The following CCDC138 variants were observed in gnomAD, a reference collection of about 807,000 sequenced individuals.
CCDC138 encodes the protein coiled-coil domain-containing protein 138.
In CCDC138, 66 loss-of-function variants were observed where a neutral mutation model predicts 82.3. The ratio of observed to expected loss-of-function variants is 0.80; its 90% CI spans 0.66 to 0.98. The LOEUF (loss-of-function observed/expected upper bound fraction) is 0.98. Among genes scored for constraint, CCDC138 ranks in the 50% least tolerant of loss-of-function variants. The pLI is 0.00. For missense variants in CCDC138, 816 were observed against 758.9 expected, an observed-to-expected ratio of 1.08 and a Z score of -0.88; for synonymous variants, 297 against 265.4, an observed-to-expected ratio of 1.12 and a Z score of -1.16.
chr2:108,876,268 TAA>T lies in CCDC138; in HGVS notation c.*16_*17del. 6.7e-7 allele frequency: 1 copy of T among 1,486,242 alleles called. No homozygotes were observed. Among genetic ancestry groups the T allele is most frequent in the Non-Finnish European group, 9.2e-7 (1 of 1,083,368 alleles). 92.1% of individuals were successfully genotyped at this position (1,486,242 alleles called of 1,614,324 possible). ...CAAGCCCTTAGACTGGCTAATTTTT[TAA>T]TATAGTATATGTGGTGCTTATTTAT... is the stretch of plus-strand genomic sequence containing the variant. On this transcript the variant is annotated 3_prime_UTR_variant, in exon 15 of 15. Transcript: ENST00000295124.
chr2:108,802,172 A>G (rs1483424623), intron 6 of CCDC138, among the ~76,000 whole-genome samples: 5 of 140,232 alleles, frequency 3.6e-5, no homozygotes, highest in Non-Finnish European at 7.7e-5. Context: ...GAAGAAAGTC[A>G]TTGGTAGCTT....
intron 13 of CCDC138, among the ~76,000 whole-genome samples, chr2:108,861,313 T>C (rs1693568737): frequency 6.6e-6 from 1 of 152,078 alleles, no homozygotes; most frequent in African/African-American, 2.4e-5. Context: ...ATAGTTCTTT[T>C]AGTCTCAACT....
At chr2:108,821,802 G>A (rs560796138) in intron 10 of CCDC138, among the ~76,000 whole-genome samples, 16 of 151,800 alleles carry the variant, frequency 1.1e-4, no homozygotes, top group African/African-American at 2.9e-4. Context: ...AAAATTAGCC[G>A]GGCGTAGTGG....
At chr2:108,792,980 C>G (rs1353468889) in intron 4 of CCDC138, among the ~76,000 whole-genome samples, 8 of 151,848 alleles carry the variant, frequency 5.3e-5, no homozygotes. Flanking sequence ...AGGAGAATCA[C>G]TTGAACCCGG....
chr2:108,805,899 T>C (rs1339793348), intron 7 of CCDC138, among the ~76,000 whole-genome samples: 1 of 152,090 alleles, frequency 6.6e-6, no homozygotes, highest in Non-Finnish European at 1.5e-5. Flanking sequence ...ATATATTAGA[T>C]TGTGTGGGGA....
chr2:108,857,962 A>T (rs13424314), intron 13 of CCDC138, among the ~76,000 whole-genome samples: 2,441 of 152,318 alleles, frequency 0.016, 73 homozygotes, highest in African/African-American at 0.057. Context: ...GGTGAAATAA[A>T]TTGTGGTACT....
At chr2:108,813,267 A>AAAAAAG (rs1558658788) in intron 9 of CCDC138, among the ~76,000 whole-genome samples, 7 of 150,842 alleles carry the variant, frequency 4.6e-5, no homozygotes, top group Non-Finnish European at 1.0e-4. Flanking sequence ...AAAAAAAAAA[A>AAAAAAG]AAAAAGAAAA....
intron 13 of CCDC138, among the ~76,000 whole-genome samples, chr2:108,873,064 C>T (rs921440908): frequency 6.6e-6 from 1 of 151,892 alleles, no homozygotes; most frequent in Non-Finnish European, 1.5e-5. Context: ...AATTTGGAGG[C>T]TCTTTGATTT....
At chr2:108,837,657 A>G (rs748494806) in intron 10 of CCDC138, among the ~76,000 whole-genome samples, 2 of 152,320 alleles carry the variant, frequency 1.3e-5, no homozygotes, top group Non-Finnish European at 2.9e-5. Context: ...AGTTACATAA[A>G]AGAATAGCAC....
intron 11 of CCDC138, among the ~76,000 whole-genome samples, chr2:108,846,057 T>G (rs960432903): frequency 6.6e-6 from 1 of 152,176 alleles, no homozygotes; most frequent in Non-Finnish European, 1.5e-5. Context: ...ACTATGACTT[T>G]TTAAATCAGA....
intron 6 of CCDC138, among the ~76,000 whole-genome samples, chr2:108,799,472 A>C (rs1681530409): frequency 6.6e-6 from 1 of 152,232 alleles, no homozygotes; most frequent in African/African-American, 2.4e-5. Flanking sequence ...CTCCAGCCTC[A>C]GCCCTTGGCA....
At position 108,798,543 on chromosome 2, in the gene CCDC138, G is replaced by T. The variant is rs371099017; in HGVS notation, c.692G>T (p.Gly231Val). The change falls in exon 6 of 15, where the codon GGT becomes GTT. Residue 231 changes from glycine (G) to valine (V), a missense_variant. Coordinates refer to ENST00000295124, the MANE Select transcript of CCDC138 (RefSeq NM_144978.3). The part of the protein sequence containing the change: ...RHENALSKIK[G>V]VEEEVLTRFQ... Reference sequence around the variant, plus strand: ...GAAAATGCCTTGAGTAAAATTAAAGGTGTTGAAGAAGAGGTTCTTACAAGA... The same window carrying T: ...GAAAATGCCTTGAGTAAAATTAAAGTTGTTGAAGAAGAGGTTCTTACAAGA... The T allele has an allele frequency of 3.1e-6, 5 of 1,613,648 alleles. No individual in the cohort carries two copies. Among genetic ancestry groups the T allele is most frequent in the Non-Finnish European group, 4.2e-6 (5 of 1,179,798 alleles).
At chr2:108,881,672 T>G (rs1300884272) in intron 1 of CCDC138, among the ~76,000 whole-genome samples, 4 of 152,228 alleles carry the variant, frequency 2.6e-5, no homozygotes, top group Non-Finnish European at 5.9e-5. Context: ...TTTAAGGTTA[T>G]TAATTGGCCT....
Position 108,811,247 on chromosome 2 carries a change from C to CTTTTTTTTTTTTTT in CCDC138, c.856-1382_856-1369dup, listed in dbSNP as rs55661786. 4.6e-4 allele frequency among the ~76,000 whole-genome samples: 52 copies of CTTTTTTTTTTTTTT among 113,888 alleles called. 1 individual carries two copies. The highest frequency in any genetic ancestry group is 1.9e-3 in the African/African-American group (49 of 26,258). The allele number at this position is 113,888 out of a possible 152,430, so 74.7% of individuals were successfully genotyped here. A position where few individuals can be genotyped will look rare whatever the true frequency, so the allele number is the denominator to read the frequency against. On this transcript the variant is annotated intron_variant, in intron 7 of 14. Coordinates refer to ENST00000295124, the MANE Select transcript of CCDC138 (RefSeq NM_144978.3). ...CTCCCTTTTCTTTCTTTCTCTCTCT[C>CTTTTTTTTTTTTTT]TTTTTTTTTTTTTTTGACTGTCTCC...
intron 14 of CCDC138, 42 bp from the exon 15 acceptor site, chr2:108,876,046 C>G (rs946309398): frequency 6.0e-6 from 8 of 1,326,262 alleles, no homozygotes; most frequent in Admixed American, 1.8e-5. Flanking sequence ...GATAAACTCT[C>G]TAAGTATGTG....
intron 12 of CCDC138, among the ~76,000 whole-genome samples, chr2:108,854,055 A>ATTATATATAATATATAATAAAT (rs1692198394): frequency 4.5e-5 from 4 of 88,994 alleles, no homozygotes; most frequent in African/African-American, 1.4e-4. Context: ...ATAAATTTAT[A>ATTATATATAATATATAATAAAT]TTATATATAT....
intron 13 of CCDC138, 76 bp downstream of exon 13, chr2:108,857,046 C>T: frequency 2.8e-6 from 1 of 354,064 alleles, no homozygotes; most frequent in Non-Finnish European, 5.4e-6. Flanking sequence ...ATGTATAACT[C>T]CACATATCAG....
chr2:108,799,331 A>G (rs1681503714), intron 6 of CCDC138, among the ~76,000 whole-genome samples: 1 of 152,224 alleles, frequency 6.6e-6, no homozygotes, highest in Non-Finnish European at 1.5e-5. Flanking sequence ...TACTTGGAGT[A>G]AAATTCATTG....
chr2:108,811,241 C>G (rs866300020), intron 7 of CCDC138, among the ~76,000 whole-genome samples: 3,153 of 46,784 alleles, frequency 0.067, 160 homozygotes, highest in African/African-American at 0.22. Context: ...CTTTCTTTCT[C>G]TCTCTCTTTT....
Sources: gnomAD v4.1 joint callset for allele counts (sites outside exome capture counted in the v4.1 genomes callset) on GRCh38, gnomAD v4.1.1 for gene constraint, MANE v1.5 for transcripts, NCBI Gene and HGNC (gene_info 2026-07-23, HGNC 2026-07-21) for gene names.